Variants in TACC2 observed in about 807,000 individuals in gnomAD.
TACC2 encodes the protein transforming acidic coiled-coil-containing protein 2.
TACC2 carries 137 observed loss-of-function variants against 227.3 expected under a neutral mutation model. The ratio of observed to expected loss-of-function variants is 0.60; its 90% CI spans 0.52 to 0.69. The LOEUF is 0.69. TACC2 is among the 30% of genes least tolerant of loss of function. The probability of loss-of-function intolerance (pLI) is 0.00; values close to 1 mark genes in which losing one functional copy is unlikely to be tolerated. For missense variants in TACC2, 3,470 were observed against 3,694.4 expected, an observed-to-expected ratio of 0.94 and a Z score of 1.57; for synonymous variants, 1,523 against 1,487.5, an observed-to-expected ratio of 1.02 and a Z score of -0.55.
At chr10:121,992,873 A>G (rs988662934) in intron 1 of TACC2, among the ~76,000 whole-genome samples, 17 of 151,948 alleles carry the variant, frequency 1.1e-4, no homozygotes, top group African/African-American at 3.9e-4. Flanking sequence ...GAGAATTGCT[A>G]GAACCTGGGA....
chr10:122,106,873 A>G (rs1213447739), intron 5 of TACC2, among the ~76,000 whole-genome samples: 2 of 152,140 alleles, frequency 1.3e-5, no homozygotes, highest in Non-Finnish European at 2.9e-5. Context: ...GGCCCTTTTC[A>G]TTTTCCTCTC....
At chr10:122,243,703 T>A (rs944030633) in intron 19 of TACC2, among the ~76,000 whole-genome samples, 1 of 152,140 alleles carries the variant, frequency 6.6e-6, no homozygotes, top group Non-Finnish European at 1.5e-5. Flanking sequence ...GTTTGGCAAG[T>A]AGAACACAAC....
intron 2 of TACC2, among the ~76,000 whole-genome samples, chr10:122,040,233 G>A (rs2074079564): frequency 1.3e-5 from 2 of 152,198 alleles, no homozygotes; most frequent in Non-Finnish European, 2.9e-5. Context: ...CCAATGGGAA[G>A]TTGGGAGACT....
intron 7 of TACC2, among the ~76,000 whole-genome samples, chr10:122,185,821 T>G (rs1424637163): frequency 6.6e-6 from 1 of 152,232 alleles, no homozygotes; most frequent in Admixed American, 6.5e-5. Flanking sequence ...AATTCTCCTC[T>G]CTAGAGAAAA....
At chr10:122,020,044 T>A (rs1957146029) in intron 1 of TACC2, among the ~76,000 whole-genome samples, 1 of 152,210 alleles carries the variant, frequency 6.6e-6, no homozygotes, top group Non-Finnish European at 1.5e-5. Context: ...GTCTCTTTAG[T>A]CTGTTTGTTT....
chr10:122,132,877 A>C, intron 6 of TACC2, 143 bp downstream of exon 6: 1 of 817,088 alleles, frequency 1.2e-6, no homozygotes, highest in Non-Finnish European at 1.9e-6. Context: ...CAGGGTGTGC[A>C]CACCTGTCCT....
intron 7 of TACC2, among the ~76,000 whole-genome samples, chr10:122,153,933 C>G (rs1440653979): frequency 2.0e-5 from 3 of 152,184 alleles, no homozygotes; most frequent in African/African-American, 7.2e-5. Flanking sequence ...GTCTTCCTCC[C>G]TCCGGGCCCC....
At chr10:122,162,708 G>A (rs2092896355) in intron 7 of TACC2, among the ~76,000 whole-genome samples, 1 of 152,198 alleles carries the variant, frequency 6.6e-6, no homozygotes, top group Non-Finnish European at 1.5e-5. Context: ...GCTGCTGATG[G>A]GTGACATGCT....
intron 5 of TACC2, among the ~76,000 whole-genome samples, chr10:122,092,650 T>C (rs2080947827): frequency 6.6e-6 from 1 of 152,234 alleles, no homozygotes; most frequent in African/African-American, 2.4e-5. Flanking sequence ...TTGGCATTGC[T>C]AATGGATGTG....
rs1030800354 is a variant in TACC2 at position 122,180,770 on chromosome 10, C to G, written c.5835-14270C>G. On this transcript the variant is annotated intron_variant, in intron 7 of 22. Coordinates refer to ENST00000369005, the MANE Select transcript of TACC2 (RefSeq NM_206862.4). This position sits in a 1 kb window ranked among gnomAD's most constrained non-coding sequence, Gnocchi z 4.5. Reference sequence around the variant, plus strand: ...ATTTTTTTTGAGACGGAGTCTCGCTCTGTTGCCGAGGCTGGATGGAGTGCA... The same window carrying G: ...ATTTTTTTTGAGACGGAGTCTCGCTGTGTTGCCGAGGCTGGATGGAGTGCA... Among the ~76,000 whole-genome samples, 1 of 152,076 alleles carries G rather than the reference C, an allele frequency of 6.6e-6. No homozygotes were observed. The highest frequency in any genetic ancestry group is 6.5e-5 in the Admixed American group (1 of 15,286).
At chr10:122,138,238 G>C (rs548389325) in intron 6 of TACC2, among the ~76,000 whole-genome samples, 1 of 152,086 alleles carries the variant, frequency 6.6e-6, no homozygotes, top group Non-Finnish European at 1.5e-5. Flanking sequence ...GGTTGGGTGC[G>C]GTGGCTTATG....
chr10:122,223,492 C>T (rs763452126), intron 11 of TACC2, among the ~76,000 whole-genome samples: 15 of 152,218 alleles, frequency 9.9e-5, no homozygotes, highest in Admixed American at 5.9e-4. Context: ...GGCTTTCTGG[C>T]CTTTAATCAC....
intron 2 of TACC2, chr10:122,033,000 A>AAC (rs1374499399): frequency 4.0e-6 from 3 of 756,816 alleles, no homozygotes; most frequent in Non-Finnish European, 3.7e-6. Context: ...CAACAACAAC[A>AAC]AAAACAAAAA....
chr10:122,124,960 C>T (rs1256280474), intron 5 of TACC2, among the ~76,000 whole-genome samples: 2 of 151,792 alleles, frequency 1.3e-5, no homozygotes, highest in African/African-American at 4.8e-5. Context: ...CAACCCCCGC[C>T]CCCTCCCAGC....
At chr10:122,237,928 G>T (rs1473303462) in intron 17 of TACC2, 33 bp from the exon 18 acceptor site, 3 of 1,546,234 alleles carry the variant, frequency 1.9e-6, no homozygotes, top group Non-Finnish European at 2.7e-6. Flanking sequence ...ACTCATTTGG[G>T]GCTAACCTTT....
Position 122,238,018 on chromosome 10 carries a change from C to T in TACC2, c.8329C>T (p.Arg2777Trp). ...GAAAGATAAATATGAAGAAAGCAGG[C>T]GGGAAGTGATGGAAATGAGGTCAGT... The part of the protein sequence containing the change: ...EWKDKYEESR[R>W]EVMEMRKIVA... Residue 2777 changes from arginine to tryptophan, a missense_variant, in exon 18 of 23, where the codon CGG becomes TGG. By Grantham distance (101) the Arg-to-Trp change is moderately radical (BLOSUM62 -3). Transcript: ENST00000369005. The T allele has an allele frequency of 6.2e-7, 1 of 1,613,916 alleles. No individual in the cohort carries two copies. The highest frequency in any genetic ancestry group is 8.5e-7 in the Non-Finnish European group (1 of 1,179,928).
chr10:122,208,153 C>T (rs1593355359), intron 8 of TACC2, among the ~76,000 whole-genome samples: 5 of 152,204 alleles, frequency 3.3e-5, no homozygotes, highest in South Asian at 4.2e-4. Context: ...GAAAGAGCTC[C>T]GTATTTAGGG....
chr10:122,083,049 A>G lies in TACC2; in HGVS notation c.549A>G (p.Gly183=). 6.2e-7 allele frequency: 1 copy of G among 1,612,646 alleles called. No homozygotes were observed. The highest frequency in any genetic ancestry group is 8.5e-7 in the Non-Finnish European group (1 of 1,180,004). ...GAGAGAGACAGCCGAAGGAAGAAGGACAGAAGTCCTCCTTCTCCTTCTCCA... is the reference window on the plus strand; with the variant it reads ...GAGAGAGACAGCCGAAGGAAGAAGGGCAGAAGTCCTCCTTCTCCTTCTCCA... ...AGRERQPKEE[G]QKSSFSFSSG... is the part of the protein sequence containing the mutation. Residue 183 remains glycine, a synonymous_variant, in exon 4 of 23, where the codon GGA becomes GGG. Transcript: ENST00000369005.
chr10:122,243,632 T>C (rs550039462), intron 19 of TACC2, among the ~76,000 whole-genome samples: 16 of 152,220 alleles, frequency 1.1e-4, no homozygotes, highest in African/African-American at 3.6e-4. Flanking sequence ...AAAAAACTCT[T>C]GGAGTTGAAA....
Sources: gnomAD v4.1 joint callset for allele counts (sites outside exome capture counted in the v4.1 genomes callset) on GRCh38, gnomAD v4.1.1 for gene constraint, Gnocchi (gnomAD v3.1) non-coding constraint, MANE v1.5 for transcripts, NCBI Gene and HGNC (gene_info 2026-07-23, HGNC 2026-07-21) for gene names.